MBNL1: variants seen among roughly 807,000 people sequenced by gnomAD.
The protein encoded by MBNL1 is muscleblind like splicing regulator 1.
A neutral mutation model predicts 42.2 loss-of-function variants in MBNL1; 8 were observed. The ratio of observed to expected loss-of-function variants is 0.19; its 90% CI spans 0.11 to 0.34. The LOEUF (loss-of-function observed/expected upper bound fraction) is 0.34. Among genes scored for constraint, MBNL1 ranks in the 10% least tolerant of loss-of-function variants. The pLI is 1.00. For missense variants in MBNL1, 309 were observed against 495.3 expected (o/e 0.62, Z 3.57); for synonymous variants, 169 against 173.9 (o/e 0.97, Z 0.22).
chr3:152,307,873 CTG>C, intron 2 of MBNL1, among the ~76,000 whole-genome samples: 1 of 152,286 alleles, frequency 6.6e-6, no homozygotes, highest in South Asian at 2.1e-4. Flanking sequence ...GAAGTAATCA[CTG>C]TATTTTAAGT....
chr3:152,396,021 G>T (rs1343287857), intron 2 of MBNL1: 1 of 158,598 alleles, frequency 6.3e-6, no homozygotes, highest in Non-Finnish European at 1.4e-5. Flanking sequence ...CCTGAGTTCT[G>T]CCTCCTGTCA....
At chr3:152,291,922 ACATGC>A (rs1175427679) in intron 1 of MBNL1, among the ~76,000 whole-genome samples, 2 of 152,162 alleles carry the variant, frequency 1.3e-5, no homozygotes, top group African/African-American at 4.8e-5. Flanking sequence ...GACCACAAGC[ACATGC>A]CATGCCATCA....
chr3:152,377,404 T>C (rs1163553510), intron 2 of MBNL1, among the ~76,000 whole-genome samples: 2 of 152,152 alleles, frequency 1.3e-5, no homozygotes, highest in African/African-American at 2.4e-5. Context: ...GAAATTAAAT[T>C]CAAGCCCCAA....
chr3:152,347,788 G>A (rs1371052790), intron 2 of MBNL1, among the ~76,000 whole-genome samples: 1 of 152,014 alleles, frequency 6.6e-6, no homozygotes, highest in African/African-American at 2.4e-5. Flanking sequence ...GCACAGCACA[G>A]TACTTTTTGT....
chr3:152,308,476 G>A (rs2151937403), intron 2 of MBNL1, among the ~76,000 whole-genome samples: 1 of 152,236 alleles, frequency 6.6e-6, no homozygotes, highest in Middle Eastern at 3.4e-3. Context: ...GTCTTTAATA[G>A]GGCATTTGCT....
At chr3:152,263,360 GAATTTTCTAC>G (rs1386925453), upstream of MBNL1, 6 of 152,082 alleles carry the variant, frequency 3.9e-5, no homozygotes, top group Admixed American at 3.9e-4. Context: ...CACTAATTTC[GAATTTTCTAC>G]ATTGTGTTGA....
intron 1 of MBNL1, among the ~76,000 whole-genome samples, chr3:152,292,439 C>T (rs1228275183): frequency 1.3e-5 from 2 of 152,186 alleles, no homozygotes; most frequent in African/African-American, 4.8e-5. Context: ...CAGTAGACCA[C>T]TAGGTGATTT....
intron 2 of MBNL1, among the ~76,000 whole-genome samples, chr3:152,246,020 G>C (rs1398658092): frequency 6.6e-6 from 1 of 152,078 alleles, no homozygotes; most frequent in African/African-American, 2.4e-5. Flanking sequence ...GAAGATCAAG[G>C]CTGCAGTGAG....
intron 2 of MBNL1, among the ~76,000 whole-genome samples, chr3:152,319,609 A>G (rs1426644990): frequency 1.0e-5 from 1 of 96,728 alleles, no homozygotes; most frequent in Non-Finnish European, 2.1e-5. Flanking sequence ...TTAAAGTTCT[A>G]TACTGTTTTT....
chr3:152,447,443 C>CTT (rs759856709), intron 5 of MBNL1, among the ~76,000 whole-genome samples, 177 bp from the exon 6 acceptor site: 4 of 133,780 alleles, frequency 3.0e-5, no homozygotes, highest in African/African-American at 5.5e-5. Context: ...TTTTATCTTG[C>CTT]TTTTTTTTTT....
At chr3:152,417,405 A>G (rs1034260113) in intron 3 of MBNL1, among the ~76,000 whole-genome samples, 4 of 152,206 alleles carry the variant, frequency 2.6e-5, no homozygotes, top group Non-Finnish European at 5.9e-5. Flanking sequence ...ACATGGCATT[A>G]ACTTGGATCC....
intron 2 of MBNL1, among the ~76,000 whole-genome samples, chr3:152,369,182 T>TC: frequency 6.6e-6 from 1 of 152,088 alleles, no homozygotes; most frequent in Admixed American, 6.6e-5. Context: ...TGAGATACAT[T>TC]CATCAATACC....
At chr3:152,374,285 G>T (rs1343671363) in intron 2 of MBNL1, among the ~76,000 whole-genome samples, 1 of 152,092 alleles carries the variant, frequency 6.6e-6, no homozygotes, top group Non-Finnish European at 1.5e-5. Flanking sequence ...TGATTTTTGT[G>T]GGAGGTCAGA....
chr3:152,311,585 AT>A (rs981167717), intron 2 of MBNL1, among the ~76,000 whole-genome samples: 3 of 151,620 alleles, frequency 2.0e-5, no homozygotes, highest in African/African-American at 7.3e-5. Flanking sequence ...GTTTATTTTA[AT>A]TTTTTGTTTA....
intron 1 of MBNL1, among the ~76,000 whole-genome samples, chr3:152,291,211 T>G (rs1028051927): frequency 1.3e-5 from 2 of 152,216 alleles, no homozygotes; most frequent in Admixed American, 1.3e-4. Context: ...GTTAAAATAC[T>G]TCCTCTTTGA....
At chr3:152,311,210 T>C (rs1487140667) in intron 2 of MBNL1, among the ~76,000 whole-genome samples, 2 of 152,032 alleles carry the variant, frequency 1.3e-5, no homozygotes, top group African/African-American at 2.4e-5. Context: ...GGTTTCACCA[T>C]GTTGGTCAGG....
chr3:152,270,346 C>T (rs150025809), intron 1 of MBNL1, among the ~76,000 whole-genome samples: 3 of 152,286 alleles, frequency 2.0e-5, no homozygotes, highest in African/African-American at 7.2e-5. Context: ...CTTTCGAGCC[C>T]TCTGCAGCGT....
Position 152,451,146 on chromosome 3 carries a change from G to A in MBNL1, c.961+3373G>A, listed in dbSNP as rs541115962. 5.9e-5 allele frequency among the ~76,000 whole-genome samples: 9 copies of A among 152,294 alleles called. No homozygotes were observed. The South Asian group carries it at 1.9e-3, about 32-fold the overall frequency. ...GAATTTTAGTGGTCTGTAGTCTGTT[G>A]TTTCAATGATAACTTCAGATGTGTA... On this transcript the variant is annotated intron_variant, in intron 6 of 9. Transcript: ENST00000324210.
intron 3 of MBNL1, among the ~76,000 whole-genome samples, chr3:152,421,380 C>T (rs1321304009): frequency 6.6e-6 from 1 of 152,146 alleles, no homozygotes; most frequent in Non-Finnish European, 1.5e-5. Context: ...GTGGATCCCA[C>T]CCCCATGGAG....
Sources: allele counts gnomAD v4.1 joint callset (sites outside exome capture counted in the v4.1 genomes callset), GRCh38; gene constraint gnomAD v4.1.1; transcripts MANE v1.5; gene names NCBI Gene and HGNC (gene_info 2026-07-23, HGNC 2026-07-21).